IGF2BP1: variants seen among roughly 807,000 people sequenced by gnomAD.
IGF2BP1 encodes the protein insulin like growth factor 2 mRNA binding protein 1.
In IGF2BP1, 11 loss-of-function variants were observed where a neutral mutation model predicts 74.9. The ratio of observed to expected loss-of-function variants is 0.15; its 90% CI spans 0.09 to 0.24. The LOEUF (loss-of-function observed/expected upper bound fraction) is 0.24, where lower values mean the gene tolerates loss of function less well. Among genes scored for constraint, IGF2BP1 ranks in the 10% least tolerant of loss-of-function variants. The probability of loss-of-function intolerance (pLI) is 1.00; values close to 1 mark genes in which losing one functional copy is unlikely to be tolerated. For missense variants in IGF2BP1, 440 were observed against 757.4 expected, an observed-to-expected ratio of 0.58 and a Z score of 4.92; for synonymous variants, 287 against 281.8, an observed-to-expected ratio of 1.02 and a Z score of -0.18.
intron 2 of IGF2BP1, among the ~76,000 whole-genome samples, chr17:49,002,699 ATT>A (rs60312699): frequency 3.6e-4 from 50 of 138,972 alleles, no homozygotes; most frequent in Non-Finnish European, 4.0e-4. Flanking sequence ...TTAGGTTAGA[ATT>A]TTTTTTTTTT....
intron 2 of IGF2BP1, 29 bp downstream of exon 2, chr17:48,999,198 G>T (rs780059764): frequency 4.8e-6 from 3 of 621,330 alleles, no homozygotes; most frequent in East Asian, 8.5e-5. Context: ...CGGGGGGGGT[G>T]GGGGGGCCGC....
rs2041419842 is a variant in IGF2BP1 at position 48,997,455 on chromosome 17, C to T, written c.-291C>T. 3.6e-6 allele frequency: 1 copy of T among 275,538 alleles called. No individual in the cohort carries two copies. The highest frequency in any genetic ancestry group is 6.8e-6 in the Non-Finnish European group (1 of 147,778). The allele number at this position is 275,538 out of a possible 1,614,324, so 17.1% of individuals were successfully genotyped here. On this transcript the variant is annotated 5_prime_UTR_variant, in exon 1 of 15. Coordinates refer to ENST00000290341, the MANE Select transcript of IGF2BP1 (RefSeq NM_006546.4). This position sits in a 1 kb window ranked among gnomAD's most constrained non-coding sequence, Gnocchi z 4.8. Reference sequence around the variant, plus strand: ...GGCGGCCGCGGAGAAACGTGACACACCAGCCCTCTCGGAGGGGTTTCGGAC... The same window carrying T: ...GGCGGCCGCGGAGAAACGTGACACATCAGCCCTCTCGGAGGGGTTTCGGAC...
intron 6 of IGF2BP1, among the ~76,000 whole-genome samples, chr17:49,039,237 C>G (rs1279495360): frequency 1.3e-5 from 2 of 151,970 alleles, no homozygotes; most frequent in African/African-American, 4.8e-5. Flanking sequence ...CATATTATGT[C>G]CTTATCATAG....
In IGF2BP1 at chr17:49,054,786, A is replaced by G. The variant is rs1283022511; in HGVS notation, c.*5342A>G. On this transcript the variant is annotated 3_prime_UTR_variant, in exon 15 of 15. Transcript: ENST00000290341. ...TTCAACAGGGTTTCTTTGAGATCCT[A>G]CACCTCCATTGGGCCCTTTTTCAGT... 2 of 152,180 alleles carry G rather than the reference A, an allele frequency of 1.3e-5. No individual in the cohort carries two copies. The highest frequency in any genetic ancestry group is 2.1e-4 in the South Asian group (1 of 4,836). 9.4% of individuals were successfully genotyped at this position (152,180 alleles called of 1,614,324 possible).
At chr17:49,045,124 C>T in intron 12 of IGF2BP1, 59 bp downstream of exon 12, 1 of 1,464,812 alleles carries the variant, frequency 6.8e-7, no homozygotes, top group East Asian at 2.3e-5. Context: ...GGGTATTTCC[C>T]CTGAGGTAGG....
intron 2 of IGF2BP1, among the ~76,000 whole-genome samples, chr17:49,008,277 T>C (rs984520271): frequency 3.9e-5 from 6 of 151,968 alleles, no homozygotes; most frequent in Non-Finnish European, 8.8e-5. Context: ...AAGGACTAGA[T>C]GTACTAGGAT....
chr17:49,008,921 G>GCAAT (rs1245823416), intron 2 of IGF2BP1, among the ~76,000 whole-genome samples: 1 of 151,926 alleles, frequency 6.6e-6, no homozygotes, highest in Admixed American at 6.6e-5. Context: ...TATCTAGTAA[G>GCAAT]AGTCTACTAT....
chr17:49,013,929 T>G (rs2041657011), intron 2 of IGF2BP1: 1 of 152,274 alleles, frequency 6.6e-6, no homozygotes, highest in South Asian at 2.1e-4. Flanking sequence ...TGCGGAGCCC[T>G]GTAGCGGAGG....
At chr17:48,999,065 C>G in intron 1 of IGF2BP1, 44 bp from the exon 2 acceptor site, 1 of 1,192,956 alleles carries the variant, frequency 8.4e-7, no homozygotes, top group Non-Finnish European at 1.3e-6. Context: ...CACCCCCAAC[C>G]CCTGTTCAAG....
chr17:49,040,233 TTTC>T, intron 7 of IGF2BP1, 142 bp downstream of exon 7: 1 of 1,004,236 alleles, frequency 1.0e-6, no homozygotes, highest in Non-Finnish European at 1.5e-6. Context: ...AAATAAAATC[TTTC>T]TTCTTACAGG....
chr17:49,007,293 C>T (rs2041561918), intron 2 of IGF2BP1, among the ~76,000 whole-genome samples: 1 of 152,192 alleles, frequency 6.6e-6, no homozygotes, highest in Non-Finnish European at 1.5e-5. Flanking sequence ...ACTTCTTCTG[C>T]TTCTGTAGTG....
At chr17:49,039,889 G>A (rs773121487) in intron 6 of IGF2BP1, 68 bp from the exon 7 acceptor site, 6 of 1,558,466 alleles carry the variant, frequency 3.8e-6, no homozygotes, top group Non-Finnish European at 5.3e-6. Flanking sequence ...GAGGGGTAGT[G>A]GGGTGGGGAG....
At chr17:49,008,300 A>G (rs1440174277) in intron 2 of IGF2BP1, among the ~76,000 whole-genome samples, 1 of 152,232 alleles carries the variant, frequency 6.6e-6, no homozygotes, top group African/African-American at 2.4e-5. Flanking sequence ...TGGCTGAGGA[A>G]GCAGCTAGAT....
chr17:49,015,818 T>C (rs1321235698), intron 2 of IGF2BP1, among the ~76,000 whole-genome samples: 4 of 152,202 alleles, frequency 2.6e-5, no homozygotes, highest in Non-Finnish European at 4.4e-5. Context: ...TGTCAAACTA[T>C]TTCCGAGATA....
chr17:49,034,111 G>A (rs1488053215), intron 5 of IGF2BP1, among the ~76,000 whole-genome samples: 1 of 135,272 alleles, frequency 7.4e-6, no homozygotes, highest in East Asian at 2.1e-4. Flanking sequence ...ATCATGATTT[G>A]CCCCTTTTTT....
chr17:49,011,949 C>G (rs1443153045), intron 2 of IGF2BP1, among the ~76,000 whole-genome samples: 1 of 143,956 alleles, frequency 6.9e-6, no homozygotes, highest in Admixed American at 7.2e-5. Context: ...GCTTTGTCAC[C>G]CAGGCTGTAG....
intron 9 of IGF2BP1, 37 bp downstream of exon 9, chr17:49,042,414 T>G: frequency 1.2e-6 from 2 of 1,613,022 alleles, no homozygotes; most frequent in Non-Finnish European, 1.7e-6. Flanking sequence ...TATCCTTTCC[T>G]GAGTCTTAGC....
Position 49,031,906 on chromosome 17 carries a change from G to A in IGF2BP1, c.338-4G>A. The A allele has an allele frequency of 6.2e-7, 1 of 1,613,420 alleles. No individual in the cohort carries two copies. The highest frequency in any genetic ancestry group is 8.5e-7 in the Non-Finnish European group (1 of 1,179,634). ...TCTGAGGTTATCCTCTCTTTTCTCT[G>A]CAGTGAACACCGAGAGTGAGACGGC... On this transcript the variant is annotated splice_polypyrimidine_tract_variant and splice_region_variant and intron_variant, in intron 4 of 14. Transcript: ENST00000290341.
chr17:49,026,530 C>G lies in IGF2BP1; in HGVS notation c.337+13C>G. The G allele has an allele frequency of 4.3e-6, 7 of 1,613,214 alleles. No homozygotes were observed. The highest frequency in any genetic ancestry group is 5.9e-6 in the Non-Finnish European group (7 of 1,179,270). ...AACTGTGAGCAAGGTAAGAGTGGGCCGGGTGTGGGGTGGCACTCGTGGTGG... is the reference window on the plus strand; with the variant it reads ...AACTGTGAGCAAGGTAAGAGTGGGCGGGGTGTGGGGTGGCACTCGTGGTGG... On this transcript the variant is annotated intron_variant, in intron 4 of 14. Coordinates refer to ENST00000290341, the MANE Select transcript of IGF2BP1 (RefSeq NM_006546.4).
Sources: allele counts gnomAD v4.1 joint callset (sites outside exome capture counted in the v4.1 genomes callset), GRCh38; gene constraint gnomAD v4.1.1; non-coding constraint Gnocchi (gnomAD v3.1); transcripts MANE v1.5; gene names NCBI Gene and HGNC (gene_info 2026-07-23, HGNC 2026-07-21).